Variants in EMILIN2 observed in about 807,000 individuals in gnomAD.
EMILIN2 encodes EMILIN-2.
In EMILIN2, 71 loss-of-function variants were observed where a neutral mutation model predicts 87.1. That is an observed-to-expected ratio of 0.82 (90% CI 0.67 to 0.99). The LOEUF (loss-of-function observed/expected upper bound fraction) is 0.99, where lower values mean the gene tolerates loss of function less well. Among genes scored for constraint, EMILIN2 ranks in the 50% least tolerant of loss-of-function variants. The pLI, the probability that EMILIN2 is intolerant of heterozygous loss-of-function variation, is 0.00. For missense variants in EMILIN2, 1,407 were observed against 1,371.8 expected (o/e 1.03, Z -0.40); for synonymous variants, 581 against 563.4 (o/e 1.03, Z -0.44).
intron 4 of EMILIN2, chr18:2,906,479 A>C: frequency 7.5e-6 from 1 of 132,550 alleles, no homozygotes; most frequent in East Asian, 9.1e-5. Context: ...GTGCTGTGAA[A>C]TCGGGAATTG....
chr18:2,883,020 A>G (rs1414639817), intron 2 of EMILIN2, among the ~76,000 whole-genome samples: 1 of 152,172 alleles, frequency 6.6e-6, no homozygotes, highest in Non-Finnish European at 1.5e-5. Context: ...AGCCTGGGCG[A>G]CCAAGTGATA....
intron 4 of EMILIN2, among the ~76,000 whole-genome samples, chr18:2,899,193 G>A (rs989021112): frequency 6.6e-5 from 10 of 152,102 alleles, no homozygotes; most frequent in African/African-American, 1.2e-4. Context: ...AAAAAAAACC[G>A]CTAGCTCTAG....
rs1448567727 is a variant in EMILIN2 at position 2,906,885 on chromosome 18, G to T, written c.2462G>T (p.Gly821Val). Residue 821 changes from glycine to valine, a missense_variant, in exon 5 of 8, where the codon GGG becomes GTG. Coordinates refer to ENST00000254528, the MANE Select transcript of EMILIN2 (RefSeq NM_032048.3). Reference sequence around the variant, plus strand: ...GGCCCCGCAACCGCAGAGGACCCTGGGCGACGGCCCGTCCTGCCCCAGCGG... The same window carrying T: ...GGCCCCGCAACCGCAGAGGACCCTGTGCGACGGCCCGTCCTGCCCCAGCGG... ...PSGPATAEDP[G>V]RRPVLPQRPP... is the part of the protein sequence containing the mutation. 2 of 1,392,734 alleles carry T rather than the reference G, an allele frequency of 1.4e-6. No individual in the cohort carries two copies. Among genetic ancestry groups the T allele is most frequent in the Non-Finnish European group, 1.9e-6 (2 of 1,071,682 alleles). 86.3% of individuals were successfully genotyped at this position (1,392,734 alleles called of 1,614,324 possible). A position where few individuals can be genotyped will look rare whatever the true frequency, so the allele number is the denominator to read the frequency against.
At chr18:2,874,245 G>A (rs1208514638) in intron 2 of EMILIN2, among the ~76,000 whole-genome samples, 1 of 152,092 alleles carries the variant, frequency 6.6e-6, no homozygotes, top group African/African-American at 2.4e-5. Context: ...TTAAGAGACA[G>A]TGTCTCATTA....
chr18:2,871,615 G>A (rs2076720371), intron 2 of EMILIN2, among the ~76,000 whole-genome samples: 1 of 152,228 alleles, frequency 6.6e-6, no homozygotes, highest in Non-Finnish European at 1.5e-5. Flanking sequence ...ACTGAGCGGG[G>A]ATCTGTGTGC....
Position 2,891,875 on chromosome 18 carries a change from T to A in EMILIN2, c.1748T>A (p.Leu583Ter), listed in dbSNP as rs2076839392. Residue 583 changes from leucine to a stop codon, truncating the protein, a stop_gained, in exon 4 of 8, where the codon TTG becomes TAG. Transcript: ENST00000254528. LOFTEE classifies it high-confidence loss of function. This position sits in a 1 kb window ranked among gnomAD's most constrained non-coding sequence, Gnocchi z 4.6. ...GCAGTACGCGACAGCCTGCACCTTT[T>A]GAAATCTCTCAACGACACGATGCAC... ...DRAVRDSLHL[L>*]KSLNDTMHRK... 1.9e-6 allele frequency: 3 copies of A among 1,614,260 alleles called. No homozygotes were observed. In the East Asian group the frequency reaches 6.7e-5, roughly 36 times the overall value.
At chr18:2,910,815 T>G (rs184968468) in intron 7 of EMILIN2, among the ~76,000 whole-genome samples, 2 of 152,216 alleles carry the variant, frequency 1.3e-5, no homozygotes, top group African/African-American at 4.8e-5. Context: ...TTAACTGTTA[T>G]GTTAGCAAGC....
At chr18:2,858,589 ATATATATATATATGTG>A (rs1568454318) in intron 2 of EMILIN2, among the ~76,000 whole-genome samples, 1 of 104,736 alleles carries the variant, frequency 9.5e-6, no homozygotes, top group Non-Finnish European at 1.7e-5. Context: ...GTGTGTATAT[ATATATATATATATGTG>A]TATATATATA....
chr18:2,905,574 A>G (rs1447580067), intron 4 of EMILIN2, among the ~76,000 whole-genome samples: 1 of 151,666 alleles, frequency 6.6e-6, no homozygotes, highest in African/African-American at 2.4e-5. Context: ...CAGATACTAG[A>G]TCTTATTAAC....
In EMILIN2 at chr18:2,847,314, C is replaced by T; in HGVS notation, c.126C>T (p.Ala42=). 2 of 1,319,236 alleles carry T rather than the reference C, an allele frequency of 1.5e-6. No homozygotes were observed. Among genetic ancestry groups the T allele is most frequent in the Non-Finnish European group, 1.9e-6 (2 of 1,037,656 alleles). The allele number at this position is 1,319,236 out of a possible 1,614,324, so 81.7% of individuals were successfully genotyped here. Residue 42 remains alanine (A), a synonymous_variant, in exon 1 of 8, where the codon GCC becomes GCT. Transcript: ENST00000254528. The surrounding 1 kb of genome is among the most constrained non-coding windows in gnomAD (Gnocchi z 4.5). ...PQPGYPARPS[A]RNKNWCAYIV... The stretch of plus-strand genomic sequence containing the variant: ...CCGGGTATCCCGCGCGGCCCAGCGC[C>T]AGGAACAAGTAAGTGCGCGCCCCTT...
chr18:2,900,703 C>A (rs571138974), intron 4 of EMILIN2, among the ~76,000 whole-genome samples: 4 of 152,106 alleles, frequency 2.6e-5, no homozygotes, highest in African/African-American at 9.7e-5. Context: ...GCGACAGTTT[C>A]TCTGAATTTT....
intron 2 of EMILIN2, among the ~76,000 whole-genome samples, chr18:2,866,235 G>A (rs1036624624): frequency 6.6e-6 from 1 of 152,168 alleles, no homozygotes; most frequent in Non-Finnish European, 1.5e-5. Context: ...CCAGTGAGAC[G>A]AACCCGATAC....
In EMILIN2 at chr18:2,909,828, T is replaced by G. The variant is rs1315668394; in HGVS notation, c.2824+9T>G. ...TTACAACCCCAGCACCGGTGAGTGTTTGAACGGAACTGGTACTGTGTCCTC... is the reference window on the plus strand; with the variant it reads ...TTACAACCCCAGCACCGGTGAGTGTGTGAACGGAACTGGTACTGTGTCCTC... On this transcript the variant is annotated intron_variant, in intron 7 of 7. Transcript: ENST00000254528. 2 of 1,612,766 alleles carry G rather than the reference T, an allele frequency of 1.2e-6. No individual in the cohort carries two copies. The highest frequency in any genetic ancestry group is 1.7e-6 in the Non-Finnish European group (2 of 1,179,482).
Position 2,892,257 on chromosome 18 carries a change from G to A in EMILIN2, c.2130G>A (p.Glu710=). ...SMVEGRVSHM[E]KTCSKLDSIS... is the part of the protein sequence containing the mutation. ...TGGAGGGCAGGGTGTCTCATATGGA[G>A]AAAACTTGCAGCAAGCTGGACTCTA... The change falls in exon 4 of 8, where the codon GAG becomes GAA. Residue 710 remains glutamate (E), a synonymous_variant. Transcript: ENST00000254528. The A allele has an allele frequency of 6.2e-7, 1 of 1,613,970 alleles. No individual in the cohort carries two copies. The highest frequency in any genetic ancestry group is 8.5e-7 in the Non-Finnish European group (1 of 1,179,870).
chr18:2,884,992 G>A lies in EMILIN2; in HGVS notation c.286G>A (p.Val96Ile), dbSNP rs764562391. 6.2e-7 allele frequency: 1 copy of A among 1,608,884 alleles called. No homozygotes were observed. The highest frequency in any genetic ancestry group is 2.2e-5 in the East Asian group (1 of 44,612). ...VYRVNFRPRY[V>I]TRYKTVTQLE... ...TCGAGTGAACTTCAGACCTAGATAT[G>A]TCACTAGGTATAAGACAGTGACACA... is the stretch of plus-strand genomic sequence containing the variant. The change falls in exon 3 of 8, where the codon GTC becomes ATC. Residue 96 changes from valine to isoleucine, a missense_variant. By Grantham distance (29) the Val-to-Ile change is conservative. Coordinates refer to ENST00000254528, the MANE Select transcript of EMILIN2 (RefSeq NM_032048.3).
rs12963326 is a variant in EMILIN2, at chr18:2,913,836, C to A, written c.*432C>A. On this transcript the variant is annotated 3_prime_UTR_variant, in exon 8 of 8. Transcript: ENST00000254528. The stretch of plus-strand genomic sequence containing the variant: ...TTTACACTGCATGCAGAAGTTTAAA[C>A]ACTGAAGTGCCGAAGTGGCCCGTGC... 5 of 165,250 alleles carry A rather than the reference C, an allele frequency of 3.0e-5. No homozygotes were observed. Among genetic ancestry groups the A allele is most frequent in the Admixed American group, 5.6e-5 (1 of 17,712 alleles). 10.2% of individuals were successfully genotyped at this position (165,250 alleles called of 1,614,324 possible).
Position 2,891,188 on chromosome 18 carries a change from A to C in EMILIN2, c.1061A>C (p.Gln354Pro), listed in dbSNP as rs1206694082. The C allele has an allele frequency of 1.2e-6, 2 of 1,614,130 alleles. No individual in the cohort carries two copies. Among genetic ancestry groups the C allele is most frequent in the Non-Finnish European group, 1.7e-6 (2 of 1,180,050 alleles). Residue 354 changes from glutamine to proline, a missense_variant, in exon 4 of 8, where the codon CAG becomes CCG. Physicochemically the swap from Gln to Pro is moderately conservative, Grantham distance 76 (BLOSUM62 -1). Transcript: ENST00000254528. This position sits in a 1 kb window ranked among gnomAD's most constrained non-coding sequence, Gnocchi z 4.6. ...TACAAGCTCACTGGCCTCCAGCAGC[A>C]GTGTGATGACTATGGGAGCAGCTAC... ...CEYKLTGLQQ[Q>P]CDDYGSSYLG...
chr18:2,912,705 T>C (rs563532039), intron 7 of EMILIN2, among the ~76,000 whole-genome samples: 10 of 152,302 alleles, frequency 6.6e-5, no homozygotes, highest in African/African-American at 2.2e-4. Flanking sequence ...CAAGGTGCCA[T>C]GTCTGCCTCT....
intron 2 of EMILIN2, among the ~76,000 whole-genome samples, chr18:2,855,557 A>G (rs1021645853): frequency 6.6e-6 from 1 of 152,170 alleles, no homozygotes; most frequent in Non-Finnish European, 1.5e-5. Flanking sequence ...GGCACGTGGT[A>G]TTTGAGTTAA....
Sources: allele counts gnomAD v4.1 joint callset (sites outside exome capture counted in the v4.1 genomes callset), GRCh38; gene constraint gnomAD v4.1.1; non-coding constraint Gnocchi (gnomAD v3.1); transcripts MANE v1.5; gene names NCBI Gene and HGNC (gene_info 2026-07-23, HGNC 2026-07-21).